PPP2R5A: variants seen among roughly 807,000 people sequenced by gnomAD.
PPP2R5A encodes the protein protein phosphatase 2 regulatory subunit B'alpha.
Under a neutral mutation model 64.2 loss-of-function variants are expected in PPP2R5A, and 25 were observed. That is an observed-to-expected ratio of 0.39 (90% confidence interval 0.28 to 0.54). The LOEUF is 0.54. Among genes scored for constraint, PPP2R5A ranks in the 20% least tolerant of loss-of-function variants. The pLI, the probability that PPP2R5A is intolerant of heterozygous loss-of-function variation, is 0.67. For synonymous variants in PPP2R5A, 198 were observed against 201.2 expected, an observed-to-expected ratio of 0.98 and a Z score of 0.13; for missense variants, 425 against 576.3, an observed-to-expected ratio of 0.74 and a Z score of 2.69.
At chr1:212,301,193 T>TAG (rs1362062986) in intron 1 of PPP2R5A, among the ~76,000 whole-genome samples, 1 of 152,190 alleles carries the variant, frequency 6.6e-6, no homozygotes, top group Non-Finnish European at 1.5e-5. Flanking sequence ...GTATTTTTAG[T>TAG]AGAGACGGGG....
At chr1:212,351,610 A>G (rs1353930669) in intron 8 of PPP2R5A, among the ~76,000 whole-genome samples, 2 of 152,094 alleles carry the variant, frequency 1.3e-5, no homozygotes, top group African/African-American at 4.8e-5. Context: ...GCTACTTGGG[A>G]GACTGAGGCA....
intron 1 of PPP2R5A, among the ~76,000 whole-genome samples, chr1:212,324,253 A>G (rs76351503): frequency 0.014 from 2,096 of 152,310 alleles, 27 homozygotes; most frequent in Non-Finnish European, 0.022. Flanking sequence ...AAACCTGTAC[A>G]GCATGTTACT....
intron 6 of PPP2R5A, among the ~76,000 whole-genome samples, chr1:212,348,059 A>C (rs1659814457): frequency 1.3e-5 from 2 of 152,186 alleles, no homozygotes; most frequent in Non-Finnish European, 1.5e-5. Context: ...AAAAATATTG[A>C]ACATTCTAAC....
chr1:212,357,335 CTT>C, intron 11 of PPP2R5A, 51 bp downstream of exon 11: 1 of 1,338,266 alleles, frequency 7.5e-7, no homozygotes, highest in Non-Finnish European at 9.9e-7. Flanking sequence ...TTTTTTATAT[CTT>C]TTTGTTATTG....
chr1:212,321,278 G>T (rs534270583), intron 1 of PPP2R5A, among the ~76,000 whole-genome samples: 48 of 143,770 alleles, frequency 3.3e-4, no homozygotes, highest in African/African-American at 1.2e-3. Context: ...GGGCAGAGGC[G>T]CCCCTCACCT....
intron 1 of PPP2R5A, among the ~76,000 whole-genome samples, chr1:212,294,296 G>T (rs773630156): frequency 6.6e-6 from 1 of 152,130 alleles, no homozygotes; most frequent in Non-Finnish European, 1.5e-5. Context: ...AAGGGAAAAA[G>T]GTGAGACAGT....
intron 1 of PPP2R5A, among the ~76,000 whole-genome samples, chr1:212,311,511 A>G (rs1033816261): frequency 5.9e-5 from 9 of 152,218 alleles, no homozygotes; most frequent in African/African-American, 1.4e-4. Context: ...TGTACAATAC[A>G]TAATACTTGA....
At position 212,333,583 on chromosome 1, in the gene PPP2R5A, T is replaced by C. The variant is rs139325428; in HGVS notation, c.465T>C (p.Ser155=). 2.3e-5 allele frequency: 35 copies of C among 1,549,476 alleles called. No homozygotes were observed. The African/African-American group carries it at 3.9e-4, about 17-fold the overall frequency. ...AGGATGAACCCACGCTTGAGGCCTC[T>C]TGGCCTCACATACAGGTATGGAACA... The part of the protein sequence containing the change: ...PEEDEPTLEA[S]WPHIQLVYEF... Residue 155 remains serine (S), a synonymous_variant, in exon 3 of 13, where the codon TCT becomes TCC. Transcript: ENST00000261461.
intron 1 of PPP2R5A, among the ~76,000 whole-genome samples, chr1:212,306,372 C>T (rs934375807): frequency 6.6e-6 from 1 of 151,300 alleles, no homozygotes; most frequent in African/African-American, 2.4e-5. Flanking sequence ...GGGGTAACTA[C>T]GAATTAAAAA....
chr1:212,320,806 G>C (rs1284203116), intron 1 of PPP2R5A, among the ~76,000 whole-genome samples: 3 of 137,748 alleles, frequency 2.2e-5, no homozygotes, highest in Admixed American at 7.0e-5. Context: ...CTGGCCGGGC[G>C]GGGGGCTGAC....
intron 6 of PPP2R5A, 135 bp downstream of exon 6, chr1:212,347,541 TC>T: frequency 4.7e-6 from 3 of 633,174 alleles, no homozygotes; most frequent in East Asian, 3.2e-5. Flanking sequence ...TCAACTGAAG[TC>T]TTTTTTTTTT....
intron 1 of PPP2R5A, chr1:212,302,113 G>T: frequency 6.7e-7 from 1 of 1,495,864 alleles, no homozygotes; most frequent in East Asian, 2.5e-5. Context: ...TAAGATTTCA[G>T]TGTTCTACTT....
chr1:212,355,406 C>T (rs934403156), intron 8 of PPP2R5A, among the ~76,000 whole-genome samples: 22 of 152,050 alleles, frequency 1.4e-4, no homozygotes, highest in South Asian at 6.2e-4. Context: ...AAAACAGTAT[C>T]CTTCCCAATT....
intron 3 of PPP2R5A, among the ~76,000 whole-genome samples, chr1:212,339,906 C>A (rs12033246): frequency 6.7e-6 from 1 of 149,310 alleles, no homozygotes; most frequent in African/African-American, 2.5e-5. Context: ...GGTGGAATCT[C>A]CAGGGATTTG....
chr1:212,360,752 C>A lies in PPP2R5A; in HGVS notation c.1443C>A (p.Ser481Arg), dbSNP rs766957659. The A allele has an allele frequency of 6.5e-7, 1 of 1,539,462 alleles. No individual in the cohort carries two copies. ...NSAYNMHSIL[S>R]NTSAE ...CTTACAACATGCACAGTATTCTCAG[C>A]AATACAAGTGCCGAATAAAAAAAAA... The change falls in exon 13 of 13, where the codon AGC becomes AGA. Residue 481 changes from serine (S) to arginine (R), a missense_variant. This residue lies in a region of PPP2R5A where 177 missense variants were observed against 244.8 expected (regional missense o/e 0.72). Coordinates refer to ENST00000261461, the MANE Select transcript of PPP2R5A (RefSeq NM_006243.4).
chr1:212,302,174 A>T (rs921901210), intron 1 of PPP2R5A: 1 of 1,303,154 alleles, frequency 7.7e-7, no homozygotes, highest in African/African-American at 1.5e-5. Flanking sequence ...ATTTTCTGGG[A>T]AGATGCATTT....
chr1:212,323,822 C>T (rs1311491068), intron 1 of PPP2R5A, among the ~76,000 whole-genome samples: 2 of 152,002 alleles, frequency 1.3e-5, no homozygotes, highest in Non-Finnish European at 2.9e-5. Flanking sequence ...GCCTGTAATC[C>T]CAGCACTTTG....
chr1:212,357,280 A>C lies in PPP2R5A; in HGVS notation c.1222A>C (p.Asn408His), dbSNP rs771025750. ...GTACAAAATTTCCAAAGAACACTGGAATCCGTAAGTATCTTTTATATAGGT... is the reference window on the plus strand; with the variant it reads ...GTACAAAATTTCCAAAGAACACTGGCATCCGTAAGTATCTTTTATATAGGT... ...SLYKISKEHW[N>H]PTIVALVYNV... The change falls in exon 11 of 13, where the codon AAT becomes CAT. Residue 408 changes from asparagine to histidine, a missense_variant. Physicochemically the swap from Asn to His is moderately conservative, Grantham distance 68. Around this residue, in one of 4 missense-constraint regions of PPP2R5A, gnomAD observed 177 missense variants for 244.8 expected, o/e 0.72. Coordinates refer to ENST00000261461, the MANE Select transcript of PPP2R5A (RefSeq NM_006243.4). 2.0e-5 allele frequency: 31 copies of C among 1,573,720 alleles called. No homozygotes were observed. The East Asian group carries it at 7.0e-4, about 36-fold the overall frequency.
At chr1:212,321,741 C>T (rs1659299295) in intron 1 of PPP2R5A, among the ~76,000 whole-genome samples, 2 of 141,916 alleles carry the variant, frequency 1.4e-5, no homozygotes, top group African/African-American at 5.5e-5. Flanking sequence ...ACATCCCAGA[C>T]GATGGGCGGC....
Sources: allele counts gnomAD v4.1 joint callset (sites outside exome capture counted in the v4.1 genomes callset), GRCh38; gene constraint gnomAD v4.1.1; regional missense constraint gnomAD v4.1.1; transcripts MANE v1.5; gene names NCBI Gene and HGNC (gene_info 2026-07-23, HGNC 2026-07-21).